BCHE: variants seen among roughly 807,000 people sequenced by gnomAD.
The protein encoded by BCHE is butyrylcholinesterase, also known as cholinesterase.
Under a neutral mutation model 51.3 loss-of-function variants are expected in BCHE, and 48 were observed. The observed-to-expected ratio is 0.94, with a 90% CI of 0.74 to 1.19. The LOEUF (loss-of-function observed/expected upper bound fraction) is 1.19, where lower values mean the gene tolerates loss of function less well. Ranked by LOEUF, BCHE falls within the 50% of genes most tolerant of loss-of-function variation. BCHE has a pLI of 0.00. For synonymous variants in BCHE, 251 were observed against 238.0 expected (o/e 1.05, Z -0.50); for missense variants, 847 against 708.2 (o/e 1.20, Z -2.23).
Position 165,786,215 on chromosome 3 carries a change from T to C in BCHE, c.1614A>G (p.Ile538Met). The change falls in exon 3 of 4, where the codon ATA (isoleucine) becomes ATG (methionine). Residue 538 changes from isoleucine (I) to methionine (M), a missense_variant. Ile to Met is a conservative substitution (Grantham distance 10). Coordinates refer to ENST00000264381, the MANE Select transcript of BCHE (RefSeq NM_000055.4). ...ATTGTTGAGCACGTAGTTTCGTCAT[T>C]ATTCTTGTTGACTCTGTATTCAAGG... The part of the protein sequence containing the change: ...YLTLNTESTR[I>M]MTKLRAQQCR... The C allele has an allele frequency of 6.2e-7, 1 of 1,612,416 alleles. No homozygotes were observed. The highest frequency in any genetic ancestry group is 8.5e-7 in the Non-Finnish European group (1 of 1,178,802).
In BCHE at chr3:165,830,353, T is replaced by C; in HGVS notation, c.681A>G (p.Ala227=). The C allele has an allele frequency of 6.2e-7, 1 of 1,614,040 alleles. No homozygotes were observed. The highest frequency in any genetic ancestry group is 1.3e-5 in the African/African-American group (1 of 75,052). ...AATGCAGGCTAACTGAAGCTGCTCC[T>C]GCACTTTCTCCAAAGAGAGTTACAC... ...PKSVTLFGES[A]GAASVSLHLL... Residue 227 remains alanine (A), a synonymous_variant, in exon 2 of 4, where the codon GCA becomes GCG. Coordinates refer to ENST00000264381, the MANE Select transcript of BCHE (RefSeq NM_000055.4).
intron 3 of BCHE, among the ~76,000 whole-genome samples, chr3:165,777,258 T>A (rs1370972821): frequency 1.3e-5 from 2 of 151,956 alleles, no homozygotes; most frequent in Non-Finnish European, 1.5e-5. Context: ...AGGACCTTAT[T>A]CATATAACTA....
chr3:165,830,790 C>T lies in BCHE; in HGVS notation c.244G>A (p.Asp82Asn), dbSNP rs1385533577. ...GCATATTTTGTGGCATTCCAAATAT[C>T]AGACCACTTGGTCAGAGACTGTGGC... ...KKPQSLTKWS[D>N]IWNATKYANS... Residue 82 changes from aspartate (D) to asparagine (N), a missense_variant, in exon 2 of 4, where the codon GAT becomes AAT. Coordinates refer to ENST00000264381, the MANE Select transcript of BCHE (RefSeq NM_000055.4). 1 of 1,613,576 alleles carries T rather than the reference C, an allele frequency of 6.2e-7. No individual in the cohort carries two copies. Among genetic ancestry groups the T allele is most frequent in the African/African-American group, 1.3e-5 (1 of 74,872 alleles).
At chr3:165,819,092 T>C (rs1714416426) in intron 2 of BCHE, among the ~76,000 whole-genome samples, 1 of 128,292 alleles carries the variant, frequency 7.8e-6, no homozygotes, top group Non-Finnish European at 1.7e-5. Context: ...TTTTTTTTTC[T>C]CCTGAGACAG....
chr3:165,789,912 T>C (rs1411577413), intron 2 of BCHE, among the ~76,000 whole-genome samples: 1 of 152,138 alleles, frequency 6.6e-6, no homozygotes, highest in Non-Finnish European at 1.5e-5. Flanking sequence ...AAAATAGAAA[T>C]TCCTTTATCT....
At chr3:165,809,021 A>T (rs1713977674) in intron 2 of BCHE, among the ~76,000 whole-genome samples, 1 of 152,154 alleles carries the variant, frequency 6.6e-6, no homozygotes, top group African/African-American at 2.4e-5. Flanking sequence ...TTTTGACTTT[A>T]TATATTATAT....
At chr3:165,774,299 G>T (rs1335365570) in intron 3 of BCHE, among the ~76,000 whole-genome samples, 1 of 151,754 alleles carries the variant, frequency 6.6e-6, no homozygotes, top group Non-Finnish European at 1.5e-5. Flanking sequence ...ATTCCACATA[G>T]ATTTTACCCT....
intron 2 of BCHE, among the ~76,000 whole-genome samples, chr3:165,825,010 C>A (rs1714666232): frequency 6.6e-6 from 1 of 151,684 alleles, no homozygotes; most frequent in Non-Finnish European, 1.5e-5. Context: ...ATAGACATAA[C>A]TGTTTTTTTT....
chr3:165,830,632 AT>A lies in BCHE; in HGVS notation c.401del (p.Asn134MetfsTer5). On this transcript the variant is annotated frameshift_variant, in exon 2 of 4. Transcript: ENST00000264381. LOFTEE classifies it high-confidence loss of function. ...CATAAATCCATATCAATACAGTGGC[AT>A]TTTTTGGTTTAGGTGCTGGAATCCA... ...NVWIPAPKPK[N>X]ATVLIWIYGG... 1 of 1,614,016 alleles carries A rather than the reference AT, an allele frequency of 6.2e-7. No individual in the cohort carries two copies. Among genetic ancestry groups the A allele is most frequent in the Non-Finnish European group, 8.5e-7 (1 of 1,179,968 alleles).
intron 2 of BCHE, among the ~76,000 whole-genome samples, chr3:165,824,550 A>G (rs1157016167): frequency 1.3e-5 from 2 of 152,090 alleles, no homozygotes; most frequent in Non-Finnish European, 2.9e-5. Context: ...GAATGCAATA[A>G]CAAAATCATC....
At chr3:165,796,436 T>C (rs1268465867) in intron 2 of BCHE, among the ~76,000 whole-genome samples, 2 of 152,182 alleles carry the variant, frequency 1.3e-5, no homozygotes, top group African/African-American at 2.4e-5. Context: ...AATCATTTGT[T>C]TTATTACTAG....
chr3:165,815,434 T>C (rs1378068899), intron 2 of BCHE, among the ~76,000 whole-genome samples: 1 of 152,078 alleles, frequency 6.6e-6, no homozygotes, highest in Non-Finnish European at 1.5e-5. Flanking sequence ...TTGAGTAGCT[T>C]CAGCTCTGTA....
At position 165,830,044 on chromosome 3, in the gene BCHE, C is replaced by T. The variant is rs762936157; in HGVS notation, c.990G>A (p.Met330Ile). ...PTVDGDFLTD[M>I]PDILLELGQF... ...GTCCAAGTTCAAGTAATATGTCTGG[C>T]ATGTCAGTGAGAAAATCACCATCCA... Residue 330 changes from methionine to isoleucine, a missense_variant, in exon 2 of 4, where the codon ATG (methionine) becomes ATA (isoleucine). Met to Ile is a conservative substitution (Grantham distance 10, BLOSUM62 1). Transcript: ENST00000264381. The T allele has an allele frequency of 1.2e-6, 2 of 1,613,698 alleles. No individual in the cohort carries two copies. The highest frequency in any genetic ancestry group is 1.7e-6 in the Non-Finnish European group (2 of 1,179,860).
chr3:165,825,163 A>C (rs1714672677), intron 2 of BCHE, among the ~76,000 whole-genome samples: 2 of 152,092 alleles, frequency 1.3e-5, no homozygotes, highest in South Asian at 4.1e-4. Context: ...GACAGAATAA[A>C]ATGTACTCAT....
At chr3:165,815,641 C>T (rs1055125518) in intron 2 of BCHE, among the ~76,000 whole-genome samples, 4 of 151,968 alleles carry the variant, frequency 2.6e-5, no homozygotes, top group Admixed American at 6.6e-5. Context: ...GCTACCTGGT[C>T]AGTACTTTCT....
chr3:165,812,082 C>T (rs1038929331), intron 2 of BCHE, among the ~76,000 whole-genome samples: 1 of 151,964 alleles, frequency 6.6e-6, no homozygotes, highest in Non-Finnish European at 1.5e-5. Context: ...GACGGAGGAC[C>T]ACCTGAATTA....
At chr3:165,817,454 T>A (rs1714353009) in intron 2 of BCHE, among the ~76,000 whole-genome samples, 4 of 152,040 alleles carry the variant, frequency 2.6e-5, no homozygotes, top group Admixed American at 2.6e-4. Flanking sequence ...AAGCTTCAAA[T>A]CATATATCTT....
rs1481098222 is a variant in BCHE, at chr3:165,830,751, G to C, written c.283C>G (p.Gln95Glu). 3 of 1,613,694 alleles carry C rather than the reference G, an allele frequency of 1.9e-6. No individual in the cohort carries two copies. The highest frequency in any genetic ancestry group is 2.5e-6 in the Non-Finnish European group (3 of 1,179,914). ...CCTGGAAAACTTTGATCTATGTTCT[G>C]ACAGCAAGAATTTGCATATTTTGTG... Reference protein sequence around the residue: ...NATKYANSCCQNIDQSFPGFH... With the variant: ...NATKYANSCCENIDQSFPGFH... Residue 95 changes from glutamine (Q) to glutamate (E), a missense_variant, in exon 2 of 4, where the codon CAG becomes GAG. Gln to Glu is a conservative substitution (Grantham distance 29). Transcript: ENST00000264381.
intron 3 of BCHE, among the ~76,000 whole-genome samples, chr3:165,781,811 A>G (rs990484069): frequency 1.3e-5 from 2 of 152,178 alleles, no homozygotes; most frequent in African/African-American, 4.8e-5. Context: ...TACATAAAAC[A>G]GTTAAAATCT....
Sources: allele counts gnomAD v4.1 joint callset (sites outside exome capture counted in the v4.1 genomes callset), GRCh38; gene constraint gnomAD v4.1.1; transcripts MANE v1.5; gene names NCBI Gene and HGNC (gene_info 2026-07-23, HGNC 2026-07-21).